Variants in ARHGAP15 observed in about 807,000 individuals in gnomAD.
ARHGAP15 encodes rho GTPase-activating protein 15.
In ARHGAP15, 51 loss-of-function variants were observed where a neutral mutation model predicts 63.7. That is an observed-to-expected ratio of 0.80 (90% CI 0.64 to 1.01). The LOEUF (loss-of-function observed/expected upper bound fraction) is 1.01. Among genes scored for constraint, ARHGAP15 ranks in the 50% least tolerant of loss-of-function variants. The pLI is 0.00. For synonymous variants in ARHGAP15, 191 were observed against 193.8 expected (o/e 0.99, Z 0.12); for missense variants, 560 against 564.6 (o/e 0.99, Z 0.08).
chr2:143,356,786 G>A (rs1469741645), intron 6 of ARHGAP15, among the ~76,000 whole-genome samples: 1 of 151,990 alleles, frequency 6.6e-6, no homozygotes, highest in Non-Finnish European at 1.5e-5. Context: ...TTGAACACTT[G>A]CATATACAAA....
chr2:143,446,681 GGTTA>G (rs1366691873), intron 8 of ARHGAP15, among the ~76,000 whole-genome samples: 3 of 151,758 alleles, frequency 2.0e-5, no homozygotes, highest in Non-Finnish European at 4.4e-5. Context: ...ACAATGTGCA[GGTTA>G]GTTACATATG....
At chr2:143,238,886 C>T (rs765436501) in intron 5 of ARHGAP15, among the ~76,000 whole-genome samples, 2 of 152,068 alleles carry the variant, frequency 1.3e-5, no homozygotes, top group African/African-American at 2.4e-5. Context: ...AGATCATGAC[C>T]TTTGCAGGGA....
chr2:143,646,651 A>T lies in ARHGAP15; in HGVS notation c.1138+22384A>T, dbSNP rs949586264. Among the ~76,000 whole-genome samples the T allele has an allele frequency of 2.6e-5, 4 of 152,166 alleles. No homozygotes were observed. The South Asian group carries it at 8.3e-4, about 32-fold the overall frequency. ...GTAATGCCTTGACTGGGATTTATAT[A>T]TGCTGAAAACAGTTTTTCAGTTCTG... On this transcript the variant is annotated intron_variant, in intron 12 of 13. Coordinates refer to ENST00000295095, the MANE Select transcript of ARHGAP15 (RefSeq NM_018460.4).
intron 8 of ARHGAP15, among the ~76,000 whole-genome samples, chr2:143,446,866 A>G (rs1399547439): frequency 4.1e-5 from 6 of 145,970 alleles, no homozygotes; most frequent in Admixed American, 1.4e-4. Flanking sequence ...CCTATGAGTG[A>G]GAATATGCAG....
At chr2:143,546,389 T>G (rs187194825) in intron 10 of ARHGAP15, among the ~76,000 whole-genome samples, 1 of 152,292 alleles carries the variant, frequency 6.6e-6, no homozygotes, top group East Asian at 1.9e-4. Flanking sequence ...TTTTCAGTTT[T>G]CTTCTTTGTG....
chr2:143,340,222 C>A (rs1684996847), intron 6 of ARHGAP15, among the ~76,000 whole-genome samples: 1 of 152,114 alleles, frequency 6.6e-6, no homozygotes, highest in Non-Finnish European at 1.5e-5. Context: ...GTTTAAGCTG[C>A]AGAACCAAAG....
rs1326630256 is a variant in ARHGAP15, at chr2:143,703,530, T to C, written c.1244+6T>C. On this transcript the variant is annotated splice_donor_region_variant and intron_variant, in intron 13 of 13. Coordinates refer to ENST00000295095, the MANE Select transcript of ARHGAP15 (RefSeq NM_018460.4). Reference sequence around the variant, plus strand: ...CTCTTTGGACATCTAACTAAGTAAGTTGTAAGGATTTCTGGATGTGTCATT... The same window carrying C: ...CTCTTTGGACATCTAACTAAGTAAGCTGTAAGGATTTCTGGATGTGTCATT... 1.9e-6 allele frequency: 3 copies of C among 1,588,196 alleles called. No homozygotes were observed. Among genetic ancestry groups the C allele is most frequent in the Admixed American group, 3.6e-5 (2 of 56,256 alleles).
intron 13 of ARHGAP15, among the ~76,000 whole-genome samples, chr2:143,751,244 G>T (rs1340070491): frequency 3.9e-5 from 6 of 152,196 alleles, no homozygotes; most frequent in Admixed American, 2.6e-4. Context: ...AAGATGGCTT[G>T]GCCTTGATAC....
At chr2:143,322,040 C>T (rs1684047501) in intron 6 of ARHGAP15, among the ~76,000 whole-genome samples, 1 of 152,072 alleles carries the variant, frequency 6.6e-6, no homozygotes, top group Non-Finnish European at 1.5e-5. Flanking sequence ...TCTTTTCTTG[C>T]TAATTTTCAT....
intron 11 of ARHGAP15, among the ~76,000 whole-genome samples, chr2:143,603,789 ATC>A (rs1697872095): frequency 6.6e-6 from 1 of 152,216 alleles, no homozygotes. Flanking sequence ...CTAAAGATTT[ATC>A]ATGTTCTCAG....
At chr2:143,206,264 T>C (rs1319815122) in intron 3 of ARHGAP15, among the ~76,000 whole-genome samples, 2 of 152,152 alleles carry the variant, frequency 1.3e-5, no homozygotes, top group African/African-American at 4.8e-5. Flanking sequence ...GTATTTTCTT[T>C]ATTATATCGT....
chr2:143,613,384 A>G (rs979635297), intron 11 of ARHGAP15, among the ~76,000 whole-genome samples: 6 of 152,214 alleles, frequency 3.9e-5, no homozygotes, highest in Non-Finnish European at 7.3e-5. Flanking sequence ...TTGATGATAG[A>G]TATGACCTGT....
chr2:143,522,739 G>A (rs1694108634), intron 10 of ARHGAP15, among the ~76,000 whole-genome samples: 1 of 152,148 alleles, frequency 6.6e-6, no homozygotes, highest in African/African-American at 2.4e-5. Context: ...CTTTCAGAAA[G>A]CTTACAAATT....
At chr2:143,307,536 A>T (rs373155188) in intron 6 of ARHGAP15, among the ~76,000 whole-genome samples, 1 of 152,276 alleles carries the variant, frequency 6.6e-6, no homozygotes, top group African/African-American at 2.4e-5. Context: ...CAGTTAATAC[A>T]TTCTGATCAT....
At chr2:143,446,825 G>A (rs1690165623) in intron 8 of ARHGAP15, among the ~76,000 whole-genome samples, 1 of 130,062 alleles carries the variant, frequency 7.7e-6, no homozygotes, top group Non-Finnish European at 1.5e-5. Flanking sequence ...TCCCCTTCCT[G>A]TGTCCATGTG....
intron 5 of ARHGAP15, among the ~76,000 whole-genome samples, chr2:143,234,404 T>C (rs910068087): frequency 1.3e-5 from 2 of 152,334 alleles, no homozygotes; most frequent in Non-Finnish European, 2.9e-5. Flanking sequence ...ATCATTGTTA[T>C]TGAAATATTA....
At chr2:143,316,653 A>C (rs1164803629) in intron 6 of ARHGAP15, among the ~76,000 whole-genome samples, 1 of 142,808 alleles carries the variant, frequency 7.0e-6, no homozygotes, top group Non-Finnish European at 1.5e-5. Context: ...TTTGCATTTG[A>C]GTCAAAGTCC....
chr2:143,405,003 T>G (rs1177017739), intron 6 of ARHGAP15, among the ~76,000 whole-genome samples: 1 of 151,930 alleles, frequency 6.6e-6, no homozygotes, highest in Admixed American at 6.6e-5. Flanking sequence ...AACTTCTACA[T>G]GAAAACAATC....
rs539348215 is a variant in ARHGAP15 at position 143,325,853 on chromosome 2, A to C, written c.474+75253A>C. On this transcript the variant is annotated intron_variant, in intron 6 of 13. Transcript: ENST00000295095. ...TATTCAATGAAAGTTTATTACATCTACTATTTATTATATGCCAGAAATAAT... is the reference window on the plus strand; with the variant it reads ...TATTCAATGAAAGTTTATTACATCTCCTATTTATTATATGCCAGAAATAAT... Among the ~76,000 whole-genome samples the C allele has an allele frequency of 3.9e-5, 6 of 152,288 alleles. No homozygotes were observed. The South Asian group carries it at 1.2e-3, about 32-fold the overall frequency.
Sources: gnomAD v4.1 joint callset for allele counts (sites outside exome capture counted in the v4.1 genomes callset) on GRCh38, gnomAD v4.1.1 for gene constraint, MANE v1.5 for transcripts, NCBI Gene and HGNC (gene_info 2026-07-23, HGNC 2026-07-21) for gene names.